SUSD1: variants seen among roughly 807,000 people sequenced by gnomAD.
SUSD1 encodes sushi domain-containing protein 1.
A neutral mutation model predicts 86.9 loss-of-function variants in SUSD1; 65 were observed. The ratio of observed to expected loss-of-function variants is 0.75; its 90% CI spans 0.61 to 0.92. The LOEUF is 0.92. Ranked by LOEUF, SUSD1 falls within the 40% of genes least tolerant of loss-of-function variation. SUSD1 has a pLI of 0.00. For synonymous variants in SUSD1, 346 were observed against 350.0 expected (o/e 0.99, Z 0.13); for missense variants, 850 against 929.7 (o/e 0.91, Z 1.11).
intron 1 of SUSD1, among the ~76,000 whole-genome samples, chr9:112,171,912 G>C (rs184584797): frequency 6.6e-6 from 1 of 151,896 alleles, no homozygotes; most frequent in East Asian, 1.9e-4. Context: ...TATCTACTCC[G>C]AGGCCAGGAG....
chr9:112,049,500 C>T (rs534778571), intron 15 of SUSD1, among the ~76,000 whole-genome samples: 4 of 152,350 alleles, frequency 2.6e-5, no homozygotes, highest in East Asian at 1.9e-4. Flanking sequence ...CATCTTCCAT[C>T]AAACCGACTG....
At chr9:112,067,443 T>C (rs1829036497) in intron 12 of SUSD1, among the ~76,000 whole-genome samples, 1 of 152,234 alleles carries the variant, frequency 6.6e-6, no homozygotes. Context: ...TTTCTGTCAC[T>C]TGCAACCAAA....
chr9:112,119,998 C>G (rs1014413232), intron 6 of SUSD1, among the ~76,000 whole-genome samples: 2 of 152,002 alleles, frequency 1.3e-5, no homozygotes, highest in African/African-American at 2.4e-5. Context: ...CAGAGAGAAG[C>G]AGAAAAGTAG....
Position 112,175,057 on chromosome 9 carries a change from GT to G in SUSD1, c.103+75del. On this transcript the variant is annotated intron_variant, in intron 1 of 16. Transcript: ENST00000374270. This position sits in a 1 kb window ranked among gnomAD's most constrained non-coding sequence, Gnocchi z 4.7. ...CGGCCCGGCCCAGGGGCGGGGAAGC[GT>G]CCGTGCGCCCAGAGTCCTCGAGGCC... 3 of 980,458 alleles carry G rather than the reference GT, an allele frequency of 3.1e-6. No homozygotes were observed. Among genetic ancestry groups the G allele is most frequent in the Non-Finnish European group, 3.6e-6 (3 of 823,722 alleles). The allele number at this position is 980,458 out of a possible 1,614,324, so 60.7% of individuals were successfully genotyped here.
intron 11 of SUSD1, 41 bp downstream of exon 11, chr9:112,080,033 A>T: frequency 2.1e-6 from 3 of 1,463,212 alleles, no homozygotes; most frequent in Non-Finnish European, 2.9e-6. Flanking sequence ...CCTCCCACAT[A>T]AGACAACCAT....
chr9:112,174,054 G>C (rs148670093), intron 1 of SUSD1: 1 of 43,656 alleles, frequency 2.3e-5, no homozygotes, highest in Non-Finnish European at 4.9e-5. Flanking sequence ...ACGGCTTCCA[G>C]TGGCTTCCAG....
At chr9:112,141,699 A>T (rs903268125) in intron 5 of SUSD1, among the ~76,000 whole-genome samples, 5 of 147,012 alleles carry the variant, frequency 3.4e-5, no homozygotes, top group Admixed American at 6.9e-5. Flanking sequence ...TATATATAAA[A>T]AATATATAAT....
intron 6 of SUSD1, among the ~76,000 whole-genome samples, chr9:112,115,824 G>GAAAAAAAAAAA (rs58111856): frequency 2.0e-4 from 24 of 120,908 alleles, no homozygotes; most frequent in South Asian, 8.0e-4. Flanking sequence ...AAAAAAAAAA[G>GAAAAAAAAAAA]AAAAAAAAAA....
chr9:112,159,634 C>G (rs1187287396), intron 1 of SUSD1, among the ~76,000 whole-genome samples: 1 of 152,106 alleles, frequency 6.6e-6, no homozygotes, highest in African/African-American at 2.4e-5. Context: ...AACATACTTG[C>G]AAACCACAGA....
chr9:112,079,641 C>T (rs1324470783), intron 11 of SUSD1, among the ~76,000 whole-genome samples: 1 of 150,152 alleles, frequency 6.7e-6, no homozygotes, highest in Non-Finnish European at 1.5e-5. Flanking sequence ...TTTGCTCTGT[C>T]ACCCAGGCTG....
chr9:112,071,905 C>T (rs1253108012), intron 12 of SUSD1, among the ~76,000 whole-genome samples: 3 of 152,066 alleles, frequency 2.0e-5, no homozygotes, highest in Non-Finnish European at 4.4e-5. Context: ...TTGAAGGCAA[C>T]AGAAAAAATA....
intron 1 of SUSD1, among the ~76,000 whole-genome samples, chr9:112,159,314 A>G (rs1334878011): frequency 2.0e-5 from 3 of 152,192 alleles, no homozygotes; most frequent in Non-Finnish European, 4.4e-5. Flanking sequence ...CAGGTAAGAC[A>G]GCCTAGCCCT....
rs188447719 is a variant in SUSD1 at position 112,157,589 on chromosome 9, T to C, written c.128A>G (p.His43Arg). The C allele has an allele frequency of 8.1e-6, 13 of 1,614,124 alleles. No homozygotes were observed. The highest frequency in any genetic ancestry group is 2.2e-5 in the East Asian group (1 of 44,886). ...PDGLDVCATCHEHATCQQREG... is the reference protein window; with the variant it reads ...PDGLDVCATCREHATCQQREG... Reference sequence around the variant, plus strand: ...TCTTTGCTGGCATGTGGCATGTTCATGGCAAGTGGCACAGACGTCTAAACC... The same window carrying C: ...TCTTTGCTGGCATGTGGCATGTTCACGGCAAGTGGCACAGACGTCTAAACC... The change falls in exon 2 of 17, where the codon CAT becomes CGT. Residue 43 changes from histidine (H) to arginine (R), a missense_variant. Coordinates refer to ENST00000374270, the MANE Select transcript of SUSD1 (RefSeq NM_022486.5).
At chr9:112,115,172 T>C (rs1831260384) in intron 6 of SUSD1, among the ~76,000 whole-genome samples, 1 of 152,202 alleles carries the variant, frequency 6.6e-6, no homozygotes, top group Non-Finnish European at 1.5e-5. Context: ...GCCTGCACCT[T>C]AGGTACCTGT....
At chr9:112,131,307 C>G (rs979469013) in intron 5 of SUSD1, among the ~76,000 whole-genome samples, 1 of 152,202 alleles carries the variant, frequency 6.6e-6, no homozygotes, top group African/African-American at 2.4e-5. Flanking sequence ...CCTGAATAAG[C>G]ATTCAAGTCA....
intron 12 of SUSD1, among the ~76,000 whole-genome samples, chr9:112,066,746 T>C (rs1300625699): frequency 6.6e-6 from 1 of 152,178 alleles, no homozygotes; most frequent in East Asian, 1.9e-4. Flanking sequence ...ATGGTTCTTA[T>C]GGGGCCAGCA....
At chr9:112,135,140 A>G (rs1350357020) in intron 5 of SUSD1, among the ~76,000 whole-genome samples, 1 of 152,140 alleles carries the variant, frequency 6.6e-6, no homozygotes, top group Non-Finnish European at 1.5e-5. Flanking sequence ...CATGAAGCAC[A>G]TTCTCAAGCG....
intron 12 of SUSD1, among the ~76,000 whole-genome samples, chr9:112,076,872 T>C (rs1331931349): frequency 1.3e-5 from 2 of 151,996 alleles, no homozygotes; most frequent in Non-Finnish European, 2.9e-5. Context: ...AGAAATCAGA[T>C]AAGAACAAAA....
At chr9:112,070,150 C>T (rs1404260833) in intron 12 of SUSD1, among the ~76,000 whole-genome samples, 1 of 152,070 alleles carries the variant, frequency 6.6e-6, no homozygotes, top group East Asian at 1.9e-4. Flanking sequence ...GGATTACAGG[C>T]ATGCACCACC....
Sources: gnomAD v4.1 joint callset for allele counts (sites outside exome capture counted in the v4.1 genomes callset) on GRCh38, gnomAD v4.1.1 for gene constraint, Gnocchi (gnomAD v3.1) non-coding constraint, MANE v1.5 for transcripts, NCBI Gene and HGNC (gene_info 2026-07-23, HGNC 2026-07-21) for gene names.